SYNPR: variants seen among roughly 807,000 people sequenced by gnomAD.
SYNPR encodes synaptoporin.
SYNPR carries 23 observed loss-of-function variants against 32.9 expected under a neutral mutation model. The ratio of observed to expected loss-of-function variants is 0.70; its 90% CI spans 0.50 to 0.99. The LOEUF (loss-of-function observed/expected upper bound fraction) is 0.99. Among genes scored for constraint, SYNPR ranks in the 50% least tolerant of loss-of-function variants. SYNPR has a pLI of 0.00. For missense variants in SYNPR, 318 were observed against 349.3 expected, an observed-to-expected ratio of 0.91 and a Z score of 0.71; for synonymous variants, 146 against 135.9, an observed-to-expected ratio of 1.07 and a Z score of -0.52.
chr3:63,232,192 C>CTTTTTTTTTTT lies in SYNPR; in HGVS notation n.66+3829_66+3839dup, dbSNP rs57078088. On this transcript the variant is annotated intron_variant and non_coding_transcript_variant, in intron 1 of 4. Transcript: ENST00000478456. ...CTCAAGTGAGTATTTCAGATTCTGA[C>CTTTTTTTTTTT]TTTTTTTTTTTTTTTTTTTTTTTTT... 2.4e-4 allele frequency among the ~76,000 whole-genome samples: 14 copies of CTTTTTTTTTTT among 59,536 alleles called. 2 individuals carry two copies. Among genetic ancestry groups the CTTTTTTTTTTT allele is most frequent in the Non-Finnish European group, 3.9e-4 (13 of 33,216 alleles). The allele number at this position is 59,536 out of a possible 152,430, so 39.1% of individuals were successfully genotyped here.
At chr3:63,454,147 T>A (rs1041966080) in intron 2 of SYNPR, among the ~76,000 whole-genome samples, 1 of 151,950 alleles carries the variant, frequency 6.6e-6, no homozygotes, top group African/African-American at 2.4e-5. Context: ...AGGGGTGAAA[T>A]GAGGGACAGA....
intron 2 of SYNPR, among the ~76,000 whole-genome samples, chr3:63,396,484 A>G (rs1186640739): frequency 6.6e-6 from 1 of 152,154 alleles, no homozygotes; most frequent in East Asian, 1.9e-4. Context: ...CAGAAATAGT[A>G]TTAGTTCAGG....
At chr3:63,258,127 C>T (rs1042984511) in intron 2 of SYNPR, among the ~76,000 whole-genome samples, 1 of 152,112 alleles carries the variant, frequency 6.6e-6, no homozygotes, top group Non-Finnish European at 1.5e-5. Flanking sequence ...TAATGGGAGA[C>T]TTTAACACCC....
chr3:63,380,520 C>A (rs1451785216), intron 2 of SYNPR, among the ~76,000 whole-genome samples: 1 of 152,148 alleles, frequency 6.6e-6, no homozygotes, highest in Non-Finnish European at 1.5e-5. Context: ...CCTTTGCCCA[C>A]TTTTTGATGG....
intron 2 of SYNPR, among the ~76,000 whole-genome samples, chr3:63,324,376 C>T (rs1162289047): frequency 6.6e-6 from 1 of 152,070 alleles, no homozygotes; most frequent in Non-Finnish European, 1.5e-5. Context: ...GAAGGCTAAG[C>T]CAGGAAATTT....
intron 4 of SYNPR, among the ~76,000 whole-genome samples, chr3:63,574,752 C>T (rs1024699983): frequency 4.6e-5 from 7 of 152,044 alleles, no homozygotes; most frequent in African/African-American, 1.7e-4. Context: ...GAACTCAATA[C>T]ATAGTGTTGA....
At chr3:63,565,454 C>T (rs1276181977) in intron 4 of SYNPR, among the ~76,000 whole-genome samples, 1 of 152,170 alleles carries the variant, frequency 6.6e-6, no homozygotes, top group Non-Finnish European at 1.5e-5. Flanking sequence ...GGATGGAATA[C>T]TGCGTCCTCA....
intron 2 of SYNPR, among the ~76,000 whole-genome samples, chr3:63,260,696 G>A (rs1320352613): frequency 2.0e-5 from 3 of 152,138 alleles, no homozygotes; most frequent in East Asian, 1.9e-4. Context: ...AAAAGCAATG[G>A]CAACAAAAGC....
chr3:63,524,868 TGTGAGAGA>T (rs772133432), intron 3 of SYNPR, among the ~76,000 whole-genome samples: 26 of 149,756 alleles, frequency 1.7e-4, no homozygotes, highest in South Asian at 4.2e-4. Flanking sequence ...TGTGTGTGTG[TGTGAGAGA>T]GAGAGAGAGA....
chr3:63,507,841 T>C (rs779868968), intron 3 of SYNPR, among the ~76,000 whole-genome samples: 4 of 149,004 alleles, frequency 2.7e-5, no homozygotes, highest in Non-Finnish European at 5.9e-5. Flanking sequence ...ATGATGGGAT[T>C]CAGGAACTCC....
the SYNPR span, among the ~76,000 whole-genome samples, chr3:63,221,785 A>G: frequency 6.6e-6 from 1 of 152,092 alleles, no homozygotes; most frequent in African/African-American, 2.4e-5. Flanking sequence ...ACCTCAGGAA[A>G]GTTTACCTTT....
At chr3:63,396,094 T>A (rs2088209284) in intron 2 of SYNPR, among the ~76,000 whole-genome samples, 1 of 152,320 alleles carries the variant, frequency 6.6e-6, no homozygotes, top group East Asian at 1.9e-4. Context: ...AGAAAACAGC[T>A]ACGACGTGTT....
chr3:63,601,896 A>G (rs1356978516), intron 4 of SYNPR, among the ~76,000 whole-genome samples: 3 of 152,218 alleles, frequency 2.0e-5, no homozygotes, highest in Non-Finnish European at 2.9e-5. Context: ...TAGCTCTTTG[A>G]GGAATCACCA....
intron 2 of SYNPR, among the ~76,000 whole-genome samples, chr3:63,466,219 C>G (rs1700675401): frequency 6.6e-6 from 1 of 151,372 alleles, no homozygotes; most frequent in African/African-American, 2.5e-5. Context: ...TCCTTTTAAT[C>G]TAGACGTTCC....
intron 2 of SYNPR, chr3:63,443,231 C>T (rs962260316): frequency 5.7e-6 from 8 of 1,397,512 alleles, no homozygotes; most frequent in Admixed American, 5.9e-5. Flanking sequence ...ATAATATGAC[C>T]GTTTTGCCAT....
chr3:63,548,348 C>T (rs901214117), intron 3 of SYNPR, among the ~76,000 whole-genome samples: 9 of 152,032 alleles, frequency 5.9e-5, no homozygotes, highest in African/African-American at 2.2e-4. Context: ...AGCTGAGCTC[C>T]AACTTCCCTA....
At chr3:63,249,203 G>T (rs993593734) in intron 1 of SYNPR, among the ~76,000 whole-genome samples, 1 of 152,050 alleles carries the variant, frequency 6.6e-6, no homozygotes, top group African/African-American at 2.4e-5. Flanking sequence ...TCAATCACTC[G>T]TATAACTAAA....
intron 2 of SYNPR, among the ~76,000 whole-genome samples, chr3:63,430,154 T>C (rs1443784494): frequency 6.6e-6 from 1 of 152,210 alleles, no homozygotes; most frequent in Non-Finnish European, 1.5e-5. Context: ...CAGATATGCA[T>C]GACCTGAGTG....
chr3:63,271,527 T>C (rs1229032453), intron 3 of SYNPR, among the ~76,000 whole-genome samples: 1 of 152,190 alleles, frequency 6.6e-6, no homozygotes, highest in Non-Finnish European at 1.5e-5. Context: ...AGTGAATGCA[T>C]GCAGTATACT....
Sources: allele counts gnomAD v4.1 joint callset (sites outside exome capture counted in the v4.1 genomes callset), GRCh38; gene constraint gnomAD v4.1.1; transcripts MANE v1.5; gene names NCBI Gene and HGNC (gene_info 2026-07-23, HGNC 2026-07-21).